SV2C: variants seen among roughly 807,000 people sequenced by gnomAD.
SV2C encodes solute carrier family 22 member B3.
A neutral mutation model predicts 79.7 loss-of-function variants in SV2C; 49 were observed. That is an observed-to-expected ratio of 0.61 (90% CI 0.49 to 0.78). The LOEUF (loss-of-function observed/expected upper bound fraction) is 0.78, where lower values mean the gene tolerates loss of function less well. SV2C is among the 30% of genes least tolerant of loss of function. The pLI is 0.00. For synonymous variants in SV2C, 334 were observed against 333.2 expected (o/e 1.00, Z -0.03); for missense variants, 833 against 912.9 (o/e 0.91, Z 1.13).
the SV2C span, among the ~76,000 whole-genome samples, chr5:75,994,595 T>C: frequency 6.6e-6 from 1 of 152,142 alleles, no homozygotes; most frequent in Admixed American, 6.6e-5. Flanking sequence ...GCATAAGAAA[T>C]CTTTTTAACT....
At chr5:75,893,772 A>G in the SV2C span, among the ~76,000 whole-genome samples, 1 of 151,966 alleles carries the variant, frequency 6.6e-6, no homozygotes, top group Non-Finnish European at 1.5e-5. Flanking sequence ...GAAAAAAACC[A>G]TTGAGTTTTG....
the SV2C span, among the ~76,000 whole-genome samples, chr5:76,014,169 G>A: frequency 2.6e-4 from 37 of 140,142 alleles, no homozygotes; most frequent in Non-Finnish European, 4.3e-4. Flanking sequence ...AGGAAGGAAG[G>A]AAGAAAGAAA....
chr5:76,132,157 A>C lies in SV2C; in HGVS notation c.407A>C (p.Gln136Pro), dbSNP rs1748919090. Residue 136 changes from glutamine to proline, a missense_variant, in exon 2 of 13, where the codon CAG (glutamine) becomes CCG (proline). Gln to Pro is a moderately conservative substitution (Grantham distance 76). Transcript: ENST00000502798. ...ERRADEEELA[Q>P]QYELIIQECG... ...AGAGCTGACGAGGAAGAGTTAGCCC[A>C]GCAGTATGAGCTGATAATCCAAGAA... is the stretch of plus-strand genomic sequence containing the variant. 1.2e-6 allele frequency: 2 copies of C among 1,614,208 alleles called. No homozygotes were observed. Among genetic ancestry groups the C allele is most frequent in the South Asian group, 2.2e-5 (2 of 91,076 alleles).
the SV2C span, among the ~76,000 whole-genome samples, chr5:76,077,079 T>C: frequency 6.6e-6 from 1 of 152,178 alleles, no homozygotes; most frequent in Admixed American, 6.5e-5. Flanking sequence ...AATGAAATAG[T>C]GGATAAGTAG....
chr5:76,174,747 TGC>T (rs1354426405), intron 2 of SV2C, among the ~76,000 whole-genome samples: 1 of 152,240 alleles, frequency 6.6e-6, no homozygotes, highest in Admixed American at 6.5e-5. Context: ...GCTACAAACC[TGC>T]ACATTCTTTG....
chr5:76,250,363 G>A (rs1422226294), intron 4 of SV2C, among the ~76,000 whole-genome samples: 1 of 152,182 alleles, frequency 6.6e-6, no homozygotes. Context: ...TCTCAGCAAT[G>A]TCCTGACTGA....
chr5:76,100,351 C>T (rs545860453), intron 1 of SV2C, among the ~76,000 whole-genome samples: 2 of 152,140 alleles, frequency 1.3e-5, no homozygotes, highest in African/African-American at 4.8e-5. Context: ...CAGTTATTGC[C>T]CTTAAAGAGC....
intron 4 of SV2C, among the ~76,000 whole-genome samples, chr5:76,255,740 G>C (rs1052698950): frequency 1.3e-5 from 2 of 152,008 alleles, no homozygotes; most frequent in Non-Finnish European, 2.9e-5. Context: ...CACCTTATGC[G>C]CCCCCCTCAC....
rs571363623 is a variant in SV2C, at chr5:76,160,647, G to C, written c.580+28317G>C. On this transcript the variant is annotated intron_variant, in intron 2 of 12. Coordinates refer to ENST00000502798, the MANE Select transcript of SV2C (RefSeq NM_014979.4). ...GAAAATATTTTCAAATTATATATCT[G>C]ATAAGAGAATTGTATCCAGAATATG... Among the ~76,000 whole-genome samples, 4 of 152,252 alleles carry C rather than the reference G, an allele frequency of 2.6e-5. No individual in the cohort carries two copies. The East Asian group carries it at 7.7e-4, about 29-fold the overall frequency.
the SV2C span, among the ~76,000 whole-genome samples, chr5:75,892,290 T>G: frequency 1.3e-5 from 2 of 152,004 alleles, no homozygotes; most frequent in African/African-American, 4.8e-5. Context: ...ATGAGGCACA[T>G]GAGAAATTTT....
chr5:75,939,883 C>G, the SV2C span, among the ~76,000 whole-genome samples: 1 of 152,272 alleles, frequency 6.6e-6, no homozygotes, highest in African/African-American at 2.4e-5. Context: ...CACCTGGCTT[C>G]CTTTGTTGGT....
the SV2C span, among the ~76,000 whole-genome samples, chr5:75,981,699 C>G: frequency 6.6e-6 from 1 of 152,094 alleles, no homozygotes; most frequent in Non-Finnish European, 1.5e-5. Context: ...TTCCCTTACA[C>G]CATTTACAAA....
chr5:76,052,891 TCTA>T, the SV2C span, among the ~76,000 whole-genome samples: 1 of 150,680 alleles, frequency 6.6e-6, no homozygotes, highest in Non-Finnish European at 1.5e-5. Context: ...TATATAATAA[TCTA>T]CTATTATAAT....
rs368961998 is a variant in SV2C, at chr5:76,194,933, C to T, written c.595C>T (p.Leu199Phe). 1 of 1,613,864 alleles carries T rather than the reference C, an allele frequency of 6.2e-7. No homozygotes were observed. The highest frequency in any genetic ancestry group is 8.5e-7 in the Non-Finnish European group (1 of 1,179,908). The change falls in exon 3 of 13, where the codon CTC (leucine) becomes TTC (phenylalanine). Residue 199 changes from leucine (L) to phenylalanine (F), a missense_variant. Leu to Phe is a conservative substitution (Grantham distance 22). Coordinates refer to ENST00000502798, the MANE Select transcript of SV2C (RefSeq NM_014979.4). ...GTGTGTTGCAGGCAGCATAGTGTAC[C>T]TCGGGATGATGGTGGGGGCGTTCTT... ...GSGWLGSIVY[L>F]GMMVGAFFWG...
chr5:75,877,771 G>A, the SV2C span, among the ~76,000 whole-genome samples: 1 of 152,030 alleles, frequency 6.6e-6, no homozygotes, highest in African/African-American at 2.4e-5. Context: ...ATCTCATGTT[G>A]AAATGTAATT....
the SV2C span, among the ~76,000 whole-genome samples, chr5:76,017,757 T>A: frequency 6.6e-6 from 1 of 152,212 alleles, no homozygotes; most frequent in African/African-American, 2.4e-5. Flanking sequence ...AGGGGAAAGC[T>A]AAAATCCACC....
Position 76,105,698 on chromosome 5 carries a change from T to A in SV2C, c.-102+22186T>A, listed in dbSNP as rs144483804. On this transcript the variant is annotated intron_variant, in intron 1 of 12. Transcript: ENST00000502798. ...CTTAATAATTATTTACATTAAATTA[T>A]CTGCGTTCAGTCTCCCAGCTGGATG... is the stretch of plus-strand genomic sequence containing the variant. 3.7e-4 allele frequency among the ~76,000 whole-genome samples: 57 copies of A among 152,332 alleles called. 1 individual carries two copies. The East Asian group carries it at 9.8e-3, about 26-fold the overall frequency.
rs111962218 is a variant in SV2C, at chr5:76,348,333, A to C, written c.2001-4797A>C. 4.5e-3 allele frequency among the ~76,000 whole-genome samples: 683 copies of C among 152,238 alleles called. 8 individuals are homozygous for C. The highest frequency in any genetic ancestry group is 0.016 in the African/African-American group (653 of 41,522). ...TGTACCACGGTGCATCCATTTATCTATTCACCTACTAACAAACATCTTGGT... is the reference window on the plus strand; with the variant it reads ...TGTACCACGGTGCATCCATTTATCTCTTCACCTACTAACAAACATCTTGGT... On this transcript the variant is annotated intron_variant, in intron 12 of 12. Transcript: ENST00000322285.
At chr5:76,146,520 T>A (rs1230954485) in intron 2 of SV2C, among the ~76,000 whole-genome samples, 2 of 152,120 alleles carry the variant, frequency 1.3e-5, no homozygotes, top group Non-Finnish European at 2.9e-5. Context: ...CTGAGGTCAC[T>A]CTCGTCACCA....
Sources: gnomAD v4.1 joint callset for allele counts (sites outside exome capture counted in the v4.1 genomes callset) on GRCh38, gnomAD v4.1.1 for gene constraint, MANE v1.5 for transcripts, NCBI Gene and HGNC (gene_info 2026-07-23, HGNC 2026-07-21) for gene names.